Variants in PCDH15 observed in about 807,000 individuals in gnomAD.
PCDH15 encodes the protein protocadherin-15.
Under a neutral mutation model 178.5 loss-of-function variants are expected in PCDH15, and 129 were observed. That is an observed-to-expected ratio of 0.72 (90% CI 0.63 to 0.84). The LOEUF is 0.84. Among genes scored for constraint, PCDH15 ranks in the 40% least tolerant of loss-of-function variants. The pLI, the probability that PCDH15 is intolerant of heterozygous loss-of-function variation, is 0.00. For synonymous variants in PCDH15, 800 were observed against 732.0 expected, an observed-to-expected ratio of 1.09 and a Z score of -1.50; for missense variants, 2,230 against 2,099.9, an observed-to-expected ratio of 1.06 and a Z score of -1.21.
At position 55,115,601 on chromosome 10, in the gene PCDH15, T is replaced by G. The variant is rs1837611884; in HGVS notation, c.-80+50975A>C. Among the ~76,000 whole-genome samples the G allele has an allele frequency of 1.3e-5, 2 of 152,158 alleles. 1 individual carries two copies. The highest frequency in any genetic ancestry group is 4.1e-4 in the South Asian group (2 of 4,828). On this transcript the variant is annotated intron_variant, in intron 2 of 5. Coordinates refer to the PCDH15 transcript ENST00000458638. The stretch of plus-strand genomic sequence containing the variant: ...AAGAGGTTCCTGCTCCTTGGAGAAC[T>G]AGTTAAAATGGGCTGGAAAGTCCAA...
chr10:55,051,155 T>TCATATATTAAATTG (rs768096490), intron 2 of PCDH15, among the ~76,000 whole-genome samples: 7 of 152,218 alleles, frequency 4.6e-5, no homozygotes, highest in Non-Finnish European at 8.8e-5. Context: ...GGGTCACCTT[T>TCATATATTAAATTG]CATATATTAA....
intron 1 of PCDH15, among the ~76,000 whole-genome samples, chr10:55,206,350 T>A (rs1840401717): frequency 6.6e-6 from 1 of 152,120 alleles, no homozygotes; most frequent in African/African-American, 2.4e-5. Flanking sequence ...GATGGAGTGA[T>A]AAAAGATCAC....
In PCDH15 at chr10:55,012,594, G is replaced by T. The variant is rs191840833; in HGVS notation, c.-79-115094C>A. Among the ~76,000 whole-genome samples the T allele has an allele frequency of 1.0e-3, 155 of 152,076 alleles. 3 individuals carry two copies. The highest frequency in any genetic ancestry group is 0.01 in the Admixed American group (154 of 15,254). ...TGTCTTCTGTATTTCTAAATTCAAT[G>T]GTGCTTTATAAAATTGTCATCTTGA... is the stretch of plus-strand genomic sequence containing the variant. On this transcript the variant is annotated intron_variant, in intron 2 of 5. Coordinates refer to the PCDH15 transcript ENST00000458638.
chr10:54,597,181 T>C (rs1301764195), intron 2 of PCDH15, among the ~76,000 whole-genome samples: 1 of 152,094 alleles, frequency 6.6e-6, no homozygotes, highest in Non-Finnish European at 1.5e-5. Context: ...ATTCTAACAA[T>C]GACCACACAA....
At chr10:54,042,329 G>A (rs182320376) in intron 18 of PCDH15, among the ~76,000 whole-genome samples, 25 of 152,142 alleles carry the variant, frequency 1.6e-4, no homozygotes, top group African/African-American at 4.8e-4. Context: ...GAATTTGAAT[G>A]CAGACAACCT....
intron 3 of PCDH15, among the ~76,000 whole-genome samples, chr10:54,459,053 C>T (rs2077009148): frequency 6.6e-6 from 1 of 151,992 alleles, no homozygotes; most frequent in Non-Finnish European, 1.5e-5. Context: ...GGCTTCCTTT[C>T]CTATCTCAAA....
At chr10:53,984,380 GACCTTGTGATCTGCCC>G (rs1168095434) in intron 21 of PCDH15, among the ~76,000 whole-genome samples, 2 of 151,854 alleles carry the variant, frequency 1.3e-5, no homozygotes, top group East Asian at 3.9e-4. Flanking sequence ...TCGATCTCCT[GACCTTGTGATCTGCCC>G]ACCTCGGCCT....
chr10:54,412,120 C>T (rs1307104317), intron 3 of PCDH15, among the ~76,000 whole-genome samples: 3 of 151,406 alleles, frequency 2.0e-5, no homozygotes, highest in African/African-American at 7.3e-5. Context: ...GAGGAACTGA[C>T]AATAGATGGA....
intron 1 of PCDH15, among the ~76,000 whole-genome samples, chr10:54,702,401 C>T (rs111540449): frequency 6.6e-6 from 1 of 151,478 alleles, no homozygotes; most frequent in African/African-American, 2.4e-5. Context: ...GACCTGAAAA[C>T]CATACAAAAG....
At chr10:55,557,745 A>G (rs1277223075) in intron 2 of PCDH15, among the ~76,000 whole-genome samples, 1 of 152,166 alleles carries the variant, frequency 6.6e-6, no homozygotes, top group Non-Finnish European at 1.5e-5. Context: ...CCCGAAGGAC[A>G]GAAGTCAGAA....
At chr10:54,342,946 C>T (rs545086672) in intron 6 of PCDH15, among the ~76,000 whole-genome samples, 42 of 152,294 alleles carry the variant, frequency 2.8e-4, no homozygotes, top group South Asian at 2.3e-3. Flanking sequence ...TACCTAATGT[C>T]TGTACCCTCA....
chr10:55,253,997 C>A (rs1592023819), intron 1 of PCDH15, among the ~76,000 whole-genome samples: 1 of 152,126 alleles, frequency 6.6e-6, no homozygotes, highest in Non-Finnish European at 1.5e-5. Context: ...TGTCTCTATC[C>A]TTTAAAAACG....
chr10:54,598,323 C>G (rs1031992517), intron 2 of PCDH15, among the ~76,000 whole-genome samples: 1 of 152,000 alleles, frequency 6.6e-6, no homozygotes, highest in Non-Finnish European at 1.5e-5. Context: ...GTTCAATATA[C>G]AAAAACCAAT....
intron 20 of PCDH15, among the ~76,000 whole-genome samples, chr10:54,014,534 C>A (rs1273362121): frequency 3.3e-5 from 5 of 152,020 alleles, no homozygotes; most frequent in Non-Finnish European, 5.9e-5. Context: ...TACTGGCAAA[C>A]CAGCAGCACA....
chr10:54,226,487 T>C (rs141750218), intron 9 of PCDH15, among the ~76,000 whole-genome samples: 2 of 152,254 alleles, frequency 1.3e-5, no homozygotes, highest in African/African-American at 4.8e-5. Flanking sequence ...ATCACCTGTG[T>C]CAGGAGTTCG....
chr10:55,502,155 G>T (rs1840670732), intron 2 of PCDH15, among the ~76,000 whole-genome samples: 1 of 151,272 alleles, frequency 6.6e-6, no homozygotes, highest in Non-Finnish European at 1.5e-5. Context: ...GAAACATCAG[G>T]GCTTTATTAC....
chr10:54,855,466 G>T (rs1294768629), intron 3 of PCDH15, among the ~76,000 whole-genome samples: 4 of 152,154 alleles, frequency 2.6e-5, no homozygotes, highest in Non-Finnish European at 5.9e-5. Flanking sequence ...TAGAGTAAAA[G>T]ATTATGGACT....
intron 1 of PCDH15, among the ~76,000 whole-genome samples, chr10:55,201,036 G>A (rs1398616566): frequency 6.6e-6 from 1 of 152,048 alleles, no homozygotes; most frequent in Non-Finnish European, 1.5e-5. Flanking sequence ...AATGACCTAG[G>A]TATGATATAC....
chr10:54,078,535 G>A (rs2094382618), intron 17 of PCDH15, among the ~76,000 whole-genome samples: 1 of 151,788 alleles, frequency 6.6e-6, no homozygotes, highest in African/African-American at 2.4e-5. Context: ...AATCTGTAAT[G>A]GGTTTGAAAT....
Sources: gnomAD v4.1 joint callset for allele counts (sites outside exome capture counted in the v4.1 genomes callset) on GRCh38, gnomAD v4.1.1 for gene constraint, MANE v1.5 for transcripts, NCBI Gene and HGNC (gene_info 2026-07-23, HGNC 2026-07-21) for gene names.